PIAS1: variants seen among roughly 807,000 people sequenced by gnomAD.
PIAS1 encodes the protein protein inhibitor of activated STAT 1, also known as E3 SUMO-protein ligase PIAS1.
A neutral mutation model predicts 71.3 loss-of-function variants in PIAS1; 6 were observed. The ratio of observed to expected loss-of-function variants is 0.08; its 90% CI spans 0.05 to 0.17. The LOEUF is 0.17. Ranked by LOEUF, PIAS1 falls within the 10% of genes least tolerant of loss-of-function variation. The probability of loss-of-function intolerance (pLI) is 1.00; values close to 1 mark genes in which losing one functional copy is unlikely to be tolerated. For synonymous variants in PIAS1, 303 were observed against 292.9 expected, an observed-to-expected ratio of 1.03 and a Z score of -0.35; for missense variants, 555 against 793.6, an observed-to-expected ratio of 0.70 and a Z score of 3.61.
At chr15:68,119,969 T>C (rs995841986) in intron 2 of PIAS1, among the ~76,000 whole-genome samples, 2 of 152,128 alleles carry the variant, frequency 1.3e-5, no homozygotes, top group Admixed American at 1.3e-4. Flanking sequence ...GTTGTTTGCT[T>C]TTTGCTTTTG....
chr15:68,106,175 A>G (rs1178279307), intron 2 of PIAS1, among the ~76,000 whole-genome samples: 1 of 152,018 alleles, frequency 6.6e-6, no homozygotes, highest in Non-Finnish European at 1.5e-5. Flanking sequence ...ACACATGAAT[A>G]TGTGTGTGTA....
At chr15:68,090,960 G>GTGTGTGTGTA (rs1251559393) in intron 2 of PIAS1, among the ~76,000 whole-genome samples, 1 of 151,566 alleles carries the variant, frequency 6.6e-6, no homozygotes, top group African/African-American at 2.4e-5. Context: ...GTGTGTGTGT[G>GTGTGTGTGTA]TGTATTTCTG....
intron 2 of PIAS1, among the ~76,000 whole-genome samples, chr15:68,107,539 T>G (rs1250670927): frequency 6.6e-6 from 1 of 152,202 alleles, no homozygotes; most frequent in Non-Finnish European, 1.5e-5. Context: ...TACCAGATAT[T>G]TATAGTCTTT....
intron 2 of PIAS1, among the ~76,000 whole-genome samples, chr15:68,130,816 GAT>G (rs1448551487): frequency 6.6e-6 from 1 of 152,058 alleles, no homozygotes; most frequent in Non-Finnish European, 1.5e-5. Flanking sequence ...CCTTGATAGA[GAT>G]ATATATCCTC....
In PIAS1 at chr15:68,055,916, A is replaced by G. The variant is rs946815575; in HGVS notation, c.24+1566A>G. 4 of 701,124 alleles carry G rather than the reference A, an allele frequency of 5.7e-6. No individual in the cohort carries two copies. The African/African-American group carries it at 7.0e-5, about 12-fold the overall frequency. 43.4% of individuals were successfully genotyped at this position (701,124 alleles called of 1,614,324 possible). A position where few individuals can be genotyped will look rare whatever the true frequency, so the allele number is the denominator to read the frequency against. The stretch of plus-strand genomic sequence containing the variant: ...CACTCCAAGATTCGTATGTTAAGGT[A>G]TTGGCTTTGAGTGTCATTCTTTTAA... On this transcript the variant is annotated intron_variant, in intron 1 of 13. Transcript: ENST00000249636.
At chr15:68,117,063 T>G (rs767532849) in intron 2 of PIAS1, among the ~76,000 whole-genome samples, 1 of 152,114 alleles carries the variant, frequency 6.6e-6, no homozygotes, top group African/African-American at 2.4e-5. Flanking sequence ...CTAGCGTTTT[T>G]TTGTTGTTGT....
At chr15:68,170,688 C>T (rs1487563497) in intron 8 of PIAS1, among the ~76,000 whole-genome samples, 4 of 152,062 alleles carry the variant, frequency 2.6e-5, no homozygotes, top group East Asian at 1.9e-4. Context: ...TCACCCAGGC[C>T]GGAGTGCACT....
chr15:68,071,733 C>T (rs952394992), intron 1 of PIAS1, among the ~76,000 whole-genome samples: 3 of 148,828 alleles, frequency 2.0e-5, no homozygotes, highest in African/African-American at 7.4e-5. Context: ...GGGAGGCTGA[C>T]GTGGGGCGGA....
At chr15:68,141,897 T>C in intron 2 of PIAS1, 49 bp from the exon 3 acceptor site, 1 of 1,219,904 alleles carries the variant, frequency 8.2e-7, no homozygotes, top group Non-Finnish European at 1.2e-6. Context: ...CTTTTGTCTT[T>C]ACTGGCGAAT....
Position 68,096,671 on chromosome 15 carries a change from T to C in PIAS1, c.469+9921T>C, listed in dbSNP as rs189336272. Among the ~76,000 whole-genome samples, 40 of 152,288 alleles carry C rather than the reference T, an allele frequency of 2.6e-4. 1 individual carries two copies. In the East Asian group the frequency reaches 3.3e-3, roughly 12 times the overall value. ...TTATTCCTAAGTATTTTATCCTTCTTGATGCTACTGAAAATTGAATTGTTA... is the reference window on the plus strand; with the variant it reads ...TTATTCCTAAGTATTTTATCCTTCTCGATGCTACTGAAAATTGAATTGTTA... On this transcript the variant is annotated intron_variant, in intron 2 of 13. Transcript: ENST00000249636.
Position 68,135,528 on chromosome 15 carries a change from T to C in PIAS1, c.470-6418T>C, listed in dbSNP as rs1160500024. Among the ~76,000 whole-genome samples the C allele has an allele frequency of 2.3e-3, 96 of 41,734 alleles. 36 individuals are homozygous for C. Among genetic ancestry groups the C allele is most frequent in the Non-Finnish European group, 5.2e-3 (59 of 11,292 alleles). The allele number at this position is 41,734 out of a possible 152,430, so 27.4% of individuals were successfully genotyped here. A position where few individuals can be genotyped will look rare whatever the true frequency, so the allele number is the denominator to read the frequency against. The stretch of plus-strand genomic sequence containing the variant: ...CCACCTCCCTCCCGGACGGGGCGGC[T>C]GGCCGGGCAGAGGGGCTCCTCACTT... On this transcript the variant is annotated intron_variant, in intron 2 of 13. Transcript: ENST00000249636.
chr15:68,123,846 A>G (rs1451787233), intron 2 of PIAS1, among the ~76,000 whole-genome samples: 4 of 152,218 alleles, frequency 2.6e-5, no homozygotes, highest in East Asian at 3.8e-4. Context: ...CACTACTGCT[A>G]TGCTTCATTG....
chr15:68,159,268 A>G (rs1453162902), intron 7 of PIAS1, among the ~76,000 whole-genome samples: 1 of 152,070 alleles, frequency 6.6e-6, no homozygotes, highest in African/African-American at 2.4e-5. Flanking sequence ...AAGTGCTTCT[A>G]CTTTTACTTT....
At chr15:68,164,187 T>C (rs1013609949) in intron 7 of PIAS1, among the ~76,000 whole-genome samples, 1 of 152,052 alleles carries the variant, frequency 6.6e-6, no homozygotes, top group African/African-American at 2.4e-5. Flanking sequence ...TATAGAGAAA[T>C]AGATTAAAAT....
intron 2 of PIAS1, among the ~76,000 whole-genome samples, chr15:68,123,006 T>A (rs955678025): frequency 6.6e-6 from 1 of 151,888 alleles, no homozygotes; most frequent in African/African-American, 2.4e-5. Flanking sequence ...TTTTTTTTTT[T>A]AAGCCTAAAT....
intron 2 of PIAS1, among the ~76,000 whole-genome samples, chr15:68,096,661 T>C (rs1033960376): frequency 6.6e-6 from 1 of 152,160 alleles, no homozygotes; most frequent in South Asian, 2.1e-4. Flanking sequence ...CCTAAGTATT[T>C]TATCCTTCTT....
chr15:68,164,303 A>T (rs2092942879), intron 7 of PIAS1, among the ~76,000 whole-genome samples: 1 of 152,154 alleles, frequency 6.6e-6, no homozygotes, highest in Non-Finnish European at 1.5e-5. Context: ...AGCTTTCAAA[A>T]ATGTATAAAT....
Position 68,192,086 on chromosome 15 carries a change from A to G in PIAS1, c.*4251A>G, listed in dbSNP as rs1567087095. ...GAAAGTACCCTCATTTATTATATCC[A>G]GAACTTGCTCTTCCTGTGCCATCTA... On this transcript the variant is annotated 3_prime_UTR_variant, in exon 14 of 14. Transcript: ENST00000249636. 1 of 152,286 alleles carries G rather than the reference A, an allele frequency of 6.6e-6. No individual in the cohort carries two copies. The highest frequency in any genetic ancestry group is 1.9e-4 in the East Asian group (1 of 5,204). 9.4% of individuals were successfully genotyped at this position (152,286 alleles called of 1,614,324 possible). A position where few individuals can be genotyped will look rare whatever the true frequency, so the allele number is the denominator to read the frequency against.
chr15:68,166,299 T>TTTAC (rs1299228255), intron 8 of PIAS1, among the ~76,000 whole-genome samples: 3 of 151,976 alleles, frequency 2.0e-5, no homozygotes, highest in Admixed American at 1.3e-4. Context: ...ACAGCCTAGG[T>TTTAC]TGTAAAGGAG....
Sources: gnomAD v4.1 joint callset for allele counts (sites outside exome capture counted in the v4.1 genomes callset) on GRCh38, gnomAD v4.1.1 for gene constraint, MANE v1.5 for transcripts, NCBI Gene and HGNC (gene_info 2026-07-23, HGNC 2026-07-21) for gene names.